PDLIM7: variants seen among roughly 807,000 people sequenced by gnomAD.
The protein encoded by PDLIM7 is PDZ and LIM domain protein 7.
Under a neutral mutation model 53.9 loss-of-function variants are expected in PDLIM7, and 37 were observed. That is an observed-to-expected ratio of 0.69 (90% confidence interval 0.53 to 0.90). The LOEUF (loss-of-function observed/expected upper bound fraction) is 0.90. Among genes scored for constraint, PDLIM7 ranks in the 40% least tolerant of loss-of-function variants. PDLIM7 has a pLI of 0.00. For missense variants in PDLIM7, 617 were observed against 638.5 expected (o/e 0.97, Z 0.36); for synonymous variants, 300 against 261.3 (o/e 1.15, Z -1.43).
chr5:177,484,416 A>C (rs1581749854), intron 10 of PDLIM7: 1 of 529,216 alleles, frequency 1.9e-6, no homozygotes, highest in Non-Finnish European at 3.4e-6. Flanking sequence ...TGATTCCCTC[A>C]CCCCAAACCT....
chr5:177,490,276 G>A, intron 7 of PDLIM7: 6 of 1,444,792 alleles, frequency 4.2e-6, no homozygotes, highest in Non-Finnish European at 5.4e-6. Flanking sequence ...CCATGCCCAA[G>A]GCAGCACAGA....
chr5:177,488,256 G>T lies in PDLIM7; in HGVS notation c.870-8C>A. 1 of 1,593,008 alleles carries T rather than the reference G, an allele frequency of 6.3e-7. No homozygotes were observed. The highest frequency in any genetic ancestry group is 2.3e-5 in the East Asian group (1 of 44,404). On this transcript the variant is annotated splice_region_variant and splice_polypyrimidine_tract_variant and intron_variant, in intron 9 of 12. Transcript: ENST00000355841. ...GCCACCAGGTAGCGGCCCCTGCAGG[G>T]AGGCGAGAGCGGTCAGAGGGAGCAC... is the stretch of plus-strand genomic sequence containing the variant.
intron 2 of PDLIM7, chr5:177,495,033 GC>G (rs917666295): frequency 6.6e-6 from 1 of 152,526 alleles, no homozygotes; most frequent in South Asian, 2.1e-4. Flanking sequence ...AGCCCGGAGT[GC>G]CCCCAACAGG....
At position 177,483,717 on chromosome 5, in the gene PDLIM7, T is replaced by C. The variant is rs369249157; in HGVS notation, c.1301A>G (p.Asn434Ser). 5 of 1,612,944 alleles carry C rather than the reference T, an allele frequency of 3.1e-6. No individual in the cohort carries two copies. The highest frequency in any genetic ancestry group is 2.2e-5 in the South Asian group (2 of 91,076). Residue 434 changes from asparagine (N) to serine (S), a missense_variant, in exon 13 of 13, where the codon AAC becomes AGC. Coordinates refer to ENST00000355841, the MANE Select transcript of PDLIM7 (RefSeq NM_005451.5). ...GGAGTAGAAGGTCTTTCCTTCCAGG[T>C]TGATCTGACATATCTAAGGACAGCA... ...TCFVCAICQI[N>S]LEGKTFYSKK...
At chr5:177,494,141 C>T (rs1256641327) in intron 2 of PDLIM7, among the ~76,000 whole-genome samples, 1 of 152,224 alleles carries the variant, frequency 6.6e-6, no homozygotes, top group Admixed American at 6.5e-5. Context: ...TTCCAACAAC[C>T]TTGTGGAGTA....
intron 10 of PDLIM7, among the ~76,000 whole-genome samples, chr5:177,486,111 G>A (rs1397632467): frequency 6.6e-6 from 1 of 151,660 alleles, no homozygotes; most frequent in African/African-American, 2.4e-5. Context: ...AGAAACAGGG[G>A]TCTTGCTATG....
At position 177,491,068 on chromosome 5, in the gene PDLIM7, C is replaced by G. The variant is rs78462129; in HGVS notation, c.477G>C (p.Pro159=). Residue 159 remains proline, a synonymous_variant, in exon 6 of 13, where the codon CCG becomes CCC. Coordinates refer to ENST00000355841, the MANE Select transcript of PDLIM7 (RefSeq NM_005451.5). ...MENTEDWRPR[P]GTGQSRSFRI... ...GGAAGGAACGCGACTGGCCTGTCCC[C>G]GGCCGCGGCCGCCAGTCCTCTGTGT... 4.0e-4 allele frequency: 652 copies of G among 1,610,116 alleles called. 8 individuals carry two copies. In the Admixed American group the frequency reaches 0.011, roughly 27 times the overall value.
intron 10 of PDLIM7, chr5:177,484,712 C>T (rs1002084332): frequency 1.8e-5 from 3 of 166,542 alleles, no homozygotes; most frequent in African/African-American, 7.2e-5. Context: ...CCTTCTCCCC[C>T]TGCATGAAAC....
Position 177,489,456 on chromosome 5 carries a change from AC to A in PDLIM7, c.805del (p.Val269CysfsTer88), listed in dbSNP as rs1288724679. ...GCCGTTGTTGCTGCCCCCTCCTGGC[AC>A]CCCTCCGGCAGCTGCCTGCACAATG... is the stretch of plus-strand genomic sequence containing the variant. ...TSIVQAAAGG[V>X]PGGGSNNGKT... On this transcript the variant is annotated frameshift_variant, in exon 9 of 13. Coordinates refer to ENST00000355841, the MANE Select transcript of PDLIM7 (RefSeq NM_005451.5). LOFTEE classifies it high-confidence loss of function. The A allele has an allele frequency of 1.2e-6, 2 of 1,604,170 alleles. No homozygotes were observed. Among genetic ancestry groups the A allele is most frequent in the African/African-American group, 1.3e-5 (1 of 74,948 alleles).
intron 5 of PDLIM7, 72 bp downstream of exon 5, chr5:177,491,735 A>AGCAGCGG (rs1332901440): frequency 5.2e-6 from 4 of 763,080 alleles, no homozygotes; most frequent in South Asian, 3.4e-5. Flanking sequence ...CAGACTGAGC[A>AGCAGCGG]GCAGCGGGCA....
intron 10 of PDLIM7, among the ~76,000 whole-genome samples, chr5:177,486,590 G>T (rs575669216): frequency 6.6e-6 from 1 of 151,430 alleles, no homozygotes; most frequent in East Asian, 1.9e-4. Flanking sequence ...GCTCTACCAG[G>T]GGTGTGGGCT....
At chr5:177,496,593 A>C in intron 1 of PDLIM7, 70 bp from the exon 2 acceptor site, 1 of 1,108,418 alleles carries the variant, frequency 9.0e-7, no homozygotes. Flanking sequence ...GGGCCAGCTC[A>C]GGATACCAGC....
Position 177,491,841 on chromosome 5 carries a change from G to A in PDLIM7, c.364C>T (p.Pro122Ser), listed in dbSNP as rs1758806211. The change falls in exon 5 of 13, where the codon CCC becomes TCC. Residue 122 changes from proline (P) to serine (S), a missense_variant. Pro to Ser is a moderately conservative substitution (Grantham distance 74). Coordinates refer to ENST00000355841, the MANE Select transcript of PDLIM7 (RefSeq NM_005451.5). The stretch of plus-strand genomic sequence containing the variant: ...TGCGGGGCGCTGTCAGCGGGCGGGG[G>A]CGCCCCAAAGGGCCGGGCCGTCTTG... ...LNKTARPFGA[P>S]PPADSAPQQN... 2 of 1,284,088 alleles carry A rather than the reference G, an allele frequency of 1.6e-6. No individual in the cohort carries two copies. The highest frequency in any genetic ancestry group is 4.1e-5 in the Admixed American group (1 of 24,100). 79.5% of individuals were successfully genotyped at this position (1,284,088 alleles called of 1,614,324 possible).
chr5:177,497,010 G>T (rs1467380189), intron 1 of PDLIM7: 1 of 28,998 alleles, frequency 3.4e-5, no homozygotes, highest in African/African-American at 6.7e-5. Context: ...GGACGCGAGG[G>T]GGGGGGGAGG....
At position 177,487,965 on chromosome 5, in the gene PDLIM7, C is replaced by G. The variant is rs76868497; in HGVS notation, c.1050+103G>C. On this transcript the variant is annotated intron_variant, in intron 10 of 12. Coordinates refer to ENST00000355841, the MANE Select transcript of PDLIM7 (RefSeq NM_005451.5). Reference sequence around the variant, plus strand: ...CCCATTTATTACGCTGGTAAGGACCCGGAGGGCTCACTCGGGGAGAGACCT... The same window carrying G: ...CCCATTTATTACGCTGGTAAGGACCGGGAGGGCTCACTCGGGGAGAGACCT... 9.6e-6 allele frequency: 11 copies of G among 1,142,946 alleles called. No individual in the cohort carries two copies. In the East Asian group the frequency reaches 2.0e-4, roughly 21 times the overall value. The allele number at this position is 1,142,946 out of a possible 1,614,324, so 70.8% of individuals were successfully genotyped here. A position where few individuals can be genotyped will look rare whatever the true frequency, so the allele number is the denominator to read the frequency against.
chr5:177,483,665 G>A lies in PDLIM7; in HGVS notation c.1353C>T (p.Ser451=). 1 of 1,611,492 alleles carries A rather than the reference G, an allele frequency of 6.2e-7. No homozygotes were observed. The highest frequency in any genetic ancestry group is 2.2e-5 in the East Asian group (1 of 44,766). ...YSKKDRPLCK[S]HAFSHV is the part of the protein sequence containing the mutation. ...GGGCTCACACATGAGAGAAGGCATG[G>A]CTCTTGCAGAGAGGCCTGTCCTTCT... The change falls in exon 13 of 13, where the codon AGC becomes AGT. Residue 451 remains serine, a synonymous_variant. Transcript: ENST00000355841.
chr5:177,495,768 T>C (rs1376995717), intron 2 of PDLIM7, among the ~76,000 whole-genome samples: 1 of 152,050 alleles, frequency 6.6e-6, no homozygotes, highest in Admixed American at 6.5e-5. Flanking sequence ...TCTTGGAAGC[T>C]GAAGTTAAGC....
At chr5:177,493,056 T>G in intron 2 of PDLIM7, 1 of 218,990 alleles carries the variant, frequency 4.6e-6, no homozygotes. Context: ...AGGAGGACCA[T>G]TGCCTTTTGA....
In PDLIM7 at chr5:177,492,826, A is replaced by G; in HGVS notation, c.97-149T>C. 3.8e-6 allele frequency: 3 copies of G among 781,174 alleles called. No individual in the cohort carries two copies. In the South Asian group the frequency reaches 5.3e-5, roughly 14 times the overall value. 48.4% of individuals were successfully genotyped at this position (781,174 alleles called of 1,614,324 possible). A position where few individuals can be genotyped will look rare whatever the true frequency, so the allele number is the denominator to read the frequency against. ...ACATAGTTCTAGGCAGCTGCTGGAC[A>G]CTAAAGCAACCCAGGAGGTGGTGGC... is the stretch of plus-strand genomic sequence containing the variant. On this transcript the variant is annotated intron_variant, in intron 2 of 12. Coordinates refer to ENST00000355841, the MANE Select transcript of PDLIM7 (RefSeq NM_005451.5).
Sources: gnomAD v4.1 joint callset for allele counts (sites outside exome capture counted in the v4.1 genomes callset) on GRCh38, gnomAD v4.1.1 for gene constraint, MANE v1.5 for transcripts, NCBI Gene and HGNC (gene_info 2026-07-23, HGNC 2026-07-21) for gene names.